Variants in PRKAR1A observed in about 807,000 individuals in gnomAD.
The protein encoded by PRKAR1A is protein kinase cAMP-dependent type I regulatory subunit alpha.
PRKAR1A carries 3 observed loss-of-function variants against 52.0 expected under a neutral mutation model. That is an observed-to-expected ratio of 0.06 (90% CI 0.03 to 0.15). The LOEUF is 0.15. PRKAR1A is among the 10% of genes least tolerant of loss of function. The pLI is 1.00. For missense variants in PRKAR1A, 240 were observed against 477.4 expected, an observed-to-expected ratio of 0.50 and a Z score of 4.63; for synonymous variants, 188 against 168.4, an observed-to-expected ratio of 1.12 and a Z score of -0.90.
the PRKAR1A span, among the ~76,000 whole-genome samples, chr17:68,464,510 G>A: frequency 8.6e-5 from 13 of 151,976 alleles, no homozygotes; most frequent in African/African-American, 1.9e-4. Flanking sequence ...GTGAAACCCC[G>A]TCTCTACTAA....
In PRKAR1A at chr17:68,550,365, G is replaced by A. The variant is rs190931909; in HGVS notation, c.974-719G>A. ...GGATCTTTCACATAGGAAAAATGGG[G>A]GAACTTTTTTTTTTTTTTTTTTTTT... On this transcript the variant is annotated intron_variant, in intron 11 of 11. Transcript: ENST00000585981. Among the ~76,000 whole-genome samples the A allele has an allele frequency of 1.6e-3, 215 of 136,386 alleles. 1 individual carries two copies. In the East Asian group the frequency reaches 0.045, roughly 28 times the overall value. 89.5% of individuals were successfully genotyped at this position (136,386 alleles called of 152,430 possible).
At chr17:68,509,556 T>G (rs1315502164), upstream of PRKAR1A, among the ~76,000 whole-genome samples, 1 of 152,180 alleles carries the variant, frequency 6.6e-6, no homozygotes, top group Non-Finnish European at 1.5e-5. Flanking sequence ...TAACAGACCT[T>G]TGAATCAAGG....
At chr17:68,449,572 G>A in the PRKAR1A span, among the ~76,000 whole-genome samples, 1 of 152,176 alleles carries the variant, frequency 6.6e-6, no homozygotes, top group African/African-American at 2.4e-5. Flanking sequence ...ACCATAGAGT[G>A]AGTGAGTTCT....
intron 2 of PRKAR1A, among the ~76,000 whole-genome samples, chr17:68,520,547 A>C (rs1199232345): frequency 1.3e-5 from 2 of 152,176 alleles, no homozygotes; most frequent in Non-Finnish European, 2.9e-5. Flanking sequence ...GATCACGTCA[A>C]GGTATTTAGG....
the PRKAR1A span, among the ~76,000 whole-genome samples, chr17:68,498,028 T>C: frequency 6.7e-6 from 1 of 149,856 alleles, no homozygotes; most frequent in African/African-American, 2.5e-5. Context: ...TACATGCTTG[T>C]AAGCTAGATG....
the PRKAR1A span, among the ~76,000 whole-genome samples, chr17:68,417,671 T>G: frequency 0.031 from 4,703 of 150,104 alleles, 219 homozygotes; most frequent in South Asian, 0.19. Context: ...TCTCTCTAAT[T>G]TTGGGGGCAG....
At position 68,531,475 on chromosome 17, in the gene PRKAR1A, C is replaced by T. The variant is rs1170630872; in HGVS notation, c.*1026C>T. The T allele has an allele frequency of 7.5e-6, 8 of 1,066,014 alleles. No homozygotes were observed. The African/African-American group carries it at 8.2e-5, about 11-fold the overall frequency. 66.0% of individuals were successfully genotyped at this position (1,066,014 alleles called of 1,614,324 possible). ...TGCTGCTAAAGGGAGAAATGCCAGG[C>T]GGACAAAGTTCAGTGTCGGGAATTT... On this transcript the variant is annotated 3_prime_UTR_variant, in exon 11 of 11. Coordinates refer to ENST00000589228, the MANE Select transcript of PRKAR1A (RefSeq NM_002734.5).
the PRKAR1A span, among the ~76,000 whole-genome samples, chr17:68,472,451 A>G: frequency 6.6e-6 from 1 of 152,204 alleles, no homozygotes; most frequent in African/African-American, 2.4e-5. Context: ...CCAGTGACTT[A>G]ACTTGCAGAC....
chr17:68,467,914 A>G, the PRKAR1A span, among the ~76,000 whole-genome samples: 7 of 151,878 alleles, frequency 4.6e-5, no homozygotes, highest in Admixed American at 4.6e-4. Flanking sequence ...TTTGTTTTGG[A>G]GACACGATCT....
chr17:68,519,132 C>T (rs2085524295), intron 2 of PRKAR1A, among the ~76,000 whole-genome samples: 1 of 152,154 alleles, frequency 6.6e-6, no homozygotes, highest in Admixed American at 6.5e-5. Context: ...CAGACTGTTC[C>T]ACCCTCTTCC....
At chr17:68,437,016 A>ATATATATATGTG in the PRKAR1A span, among the ~76,000 whole-genome samples, 2 of 144,578 alleles carry the variant, frequency 1.4e-5, no homozygotes, top group Non-Finnish European at 3.0e-5. Flanking sequence ...ATATATATAT[A>ATATATATATGTG]TGTGTGTGTG....
chr17:68,469,062 G>A, the PRKAR1A span, among the ~76,000 whole-genome samples: 1 of 152,064 alleles, frequency 6.6e-6, no homozygotes, highest in Non-Finnish European at 1.5e-5. Context: ...CATTCCTGAT[G>A]GGATCTCTTT....
Position 68,532,603 on chromosome 17 carries a change from T to G in PRKAR1A, c.*2154T>G, listed in dbSNP as rs916564912. 1 of 1,066,286 alleles carries G rather than the reference T, an allele frequency of 9.4e-7. No homozygotes were observed. The highest frequency in any genetic ancestry group is 1.1e-6 in the Non-Finnish European group (1 of 879,614). 66.1% of individuals were successfully genotyped at this position (1,066,286 alleles called of 1,614,324 possible). On this transcript the variant is annotated 3_prime_UTR_variant, in exon 11 of 11. Transcript: ENST00000589228. ...TATTCCTGGGCTTGGTAAGTGAATT[T>G]ATGAGATTTACTGCTCTAGAAAGTA...
the PRKAR1A span, among the ~76,000 whole-genome samples, chr17:68,459,411 T>C: frequency 2.0e-5 from 3 of 152,226 alleles, no homozygotes; most frequent in Non-Finnish European, 4.4e-5. Flanking sequence ...TTGGACTTTA[T>C]GGGATAGACC....
At chr17:68,481,423 T>A in the PRKAR1A span, among the ~76,000 whole-genome samples, 1 of 152,156 alleles carries the variant, frequency 6.6e-6, no homozygotes, top group African/African-American at 2.4e-5. Flanking sequence ...AACTAGACGG[T>A]CCCATCTGGG....
At chr17:68,526,269 G>T (rs2085787397) in intron 7 of PRKAR1A, among the ~76,000 whole-genome samples, 1 of 152,178 alleles carries the variant, frequency 6.6e-6, no homozygotes, top group South Asian at 2.1e-4. Context: ...AGTGCTTAAA[G>T]TTATTTGGGG....
chr17:68,548,222 C>T (rs143325576), intron 11 of PRKAR1A, among the ~76,000 whole-genome samples: 2,433 of 152,234 alleles, frequency 0.016, 59 homozygotes, highest in African/African-American at 0.055. Flanking sequence ...AGTGAAACCC[C>T]GTCTCTACTA....
At chr17:68,461,071 C>T in the PRKAR1A span, among the ~76,000 whole-genome samples, 6 of 152,318 alleles carry the variant, frequency 3.9e-5, no homozygotes, top group East Asian at 1.2e-3. The surrounding 1 kb of genome is among the most constrained non-coding windows in gnomAD (Gnocchi z 4.6). Context: ...TACTAAATAA[C>T]ATCAGCAAAA....
chr17:68,524,576 A>G (rs964628711), intron 5 of PRKAR1A, among the ~76,000 whole-genome samples: 1 of 151,994 alleles, frequency 6.6e-6, no homozygotes, highest in African/African-American at 2.4e-5. Context: ...GTGGGTATAT[A>G]TTTTCATTTT....
Sources: allele counts gnomAD v4.1 joint callset (sites outside exome capture counted in the v4.1 genomes callset), GRCh38; gene constraint gnomAD v4.1.1; non-coding constraint Gnocchi (gnomAD v3.1); transcripts MANE v1.5; gene names NCBI Gene and HGNC (gene_info 2026-07-23, HGNC 2026-07-21).